Variants in CNTNAP2 observed in about 807,000 individuals in gnomAD.
CNTNAP2 encodes the protein contactin-associated protein-like 2.
A neutral mutation model predicts 155.2 loss-of-function variants in CNTNAP2; 98 were observed. That is an observed-to-expected ratio of 0.63 (90% CI 0.54 to 0.75). The LOEUF (loss-of-function observed/expected upper bound fraction) is 0.75. Among genes scored for constraint, CNTNAP2 ranks in the 30% least tolerant of loss-of-function variants. The pLI, the probability that CNTNAP2 is intolerant of heterozygous loss-of-function variation, is 0.00. For missense variants in CNTNAP2, 1,727 were observed against 1,688.1 expected, an observed-to-expected ratio of 1.02 and a Z score of -0.40; for synonymous variants, 651 against 631.2, an observed-to-expected ratio of 1.03 and a Z score of -0.47.
intron 14 of CNTNAP2, among the ~76,000 whole-genome samples, chr7:147,972,063 G>C (rs1056524989): frequency 6.6e-6 from 1 of 152,172 alleles, no homozygotes; most frequent in Non-Finnish European, 1.5e-5. Flanking sequence ...GTGTGAAGTA[G>C]CATCTCAATG....
chr7:146,206,739 A>G (rs1435812111), intron 1 of CNTNAP2, among the ~76,000 whole-genome samples: 5 of 151,922 alleles, frequency 3.3e-5, no homozygotes, highest in Admixed American at 3.3e-4. Flanking sequence ...TCACCAGTCC[A>G]TGTTCAGGTG....
intron 2 of CNTNAP2, among the ~76,000 whole-genome samples, chr7:146,778,198 A>G (rs1802423617): frequency 6.6e-6 from 1 of 152,212 alleles, no homozygotes; most frequent in Non-Finnish European, 1.5e-5. Flanking sequence ...AAGTTTTATT[A>G]TTTACTTAAA....
At chr7:148,155,332 G>A (rs1322346166) in intron 17 of CNTNAP2, among the ~76,000 whole-genome samples, 1 of 152,176 alleles carries the variant, frequency 6.6e-6, no homozygotes, top group Non-Finnish European at 1.5e-5. Context: ...GGGCTGTTGC[G>A]ACAGGGTAGA....
chr7:148,378,939 G>A (rs76683794), intron 21 of CNTNAP2, among the ~76,000 whole-genome samples: 2,942 of 66,670 alleles, frequency 0.044, 1,023 homozygotes, highest in African/African-American at 0.1. Context: ...CCACCAGTGC[G>A]ACATACTTCA....
chr7:146,634,119 C>G (rs556757692), intron 1 of CNTNAP2, among the ~76,000 whole-genome samples: 6 of 152,114 alleles, frequency 3.9e-5, no homozygotes, highest in Non-Finnish European at 7.3e-5. Context: ...CAGTTATTTT[C>G]TGGTACACAC....
intron 3 of CNTNAP2, among the ~76,000 whole-genome samples, chr7:147,037,067 T>A (rs1563052986): frequency 6.6e-6 from 1 of 152,140 alleles, no homozygotes; most frequent in East Asian, 1.9e-4. Flanking sequence ...CAGAGGACTT[T>A]GGGTGCTGAT....
intron 13 of CNTNAP2, among the ~76,000 whole-genome samples, chr7:147,648,532 G>C (rs1363209292): frequency 6.6e-6 from 1 of 152,180 alleles, no homozygotes; most frequent in Non-Finnish European, 1.5e-5. Flanking sequence ...AGTTTTAATG[G>C]ACTCACAGTT....
intron 9 of CNTNAP2, among the ~76,000 whole-genome samples, chr7:147,330,281 T>C (rs968970483): frequency 2.6e-5 from 4 of 152,160 alleles, no homozygotes; most frequent in South Asian, 4.1e-4. Flanking sequence ...AGAGAAGGTA[T>C]AGAAACTGTG....
At chr7:147,246,104 T>A (rs117628772) in intron 8 of CNTNAP2, among the ~76,000 whole-genome samples, 4,772 of 150,272 alleles carry the variant, frequency 0.032, 133 homozygotes, top group South Asian at 0.078. Context: ...CATATATATA[T>A]ATACACACAT....
intron 16 of CNTNAP2, among the ~76,000 whole-genome samples, chr7:148,142,318 C>T (rs1329828528): frequency 2.0e-5 from 3 of 152,020 alleles, no homozygotes; most frequent in African/African-American, 7.2e-5. Context: ...TTCAGCCTTC[C>T]TGCCTCTTCT....
At chr7:147,520,438 A>G (rs181694998) in intron 11 of CNTNAP2, among the ~76,000 whole-genome samples, 172 of 152,298 alleles carry the variant, frequency 1.1e-3, no homozygotes, top group African/African-American at 4.0e-3. Context: ...TTATGCTTTC[A>G]AGGAAGCTCT....
chr7:147,741,157 G>C (rs1327843203), intron 13 of CNTNAP2, among the ~76,000 whole-genome samples: 1 of 152,166 alleles, frequency 6.6e-6, no homozygotes, highest in Non-Finnish European at 1.5e-5. Flanking sequence ...AGAAGAGATG[G>C]GAAGAGATTT....
Position 147,550,430 on chromosome 7 carries a change from A to G in CNTNAP2, c.1778-11708A>G, listed in dbSNP as rs138665043. 3.5e-3 allele frequency among the ~76,000 whole-genome samples: 526 copies of G among 152,272 alleles called. 1 individual carries two copies. Among genetic ancestry groups the G allele is most frequent in the African/African-American group, 0.012 (503 of 41,538 alleles). On this transcript the variant is annotated intron_variant, in intron 11 of 23. Coordinates refer to ENST00000361727, the MANE Select transcript of CNTNAP2 (RefSeq NM_014141.6). ...CAATCTCTCTTGCCTGCCACCATGT[A>G]AGATATGCCTTTGCTCTTCCTTCAT...
At chr7:146,597,882 C>T (rs1798886925) in intron 1 of CNTNAP2, among the ~76,000 whole-genome samples, 1 of 152,090 alleles carries the variant, frequency 6.6e-6, no homozygotes, top group Admixed American at 6.6e-5. Context: ...CAGCAAAATC[C>T]TCTCTACTCC....
In CNTNAP2 at chr7:146,277,210, G is replaced by T. The variant is rs142891928; in HGVS notation, c.97+160237G>T. The stretch of plus-strand genomic sequence containing the variant: ...GGATCCTCCCCTGGAGACTTCAGAG[G>T]GAGTGTGGTCCTGCCGACACCTTGA... On this transcript the variant is annotated intron_variant, in intron 1 of 23. Transcript: ENST00000361727. 2.7e-3 allele frequency among the ~76,000 whole-genome samples: 408 copies of T among 152,256 alleles called. 2 individuals are homozygous for T. The highest frequency in any genetic ancestry group is 9.2e-3 in the African/African-American group (383 of 41,542).
At chr7:146,947,928 C>G (rs1387769758) in intron 3 of CNTNAP2, among the ~76,000 whole-genome samples, 1 of 151,868 alleles carries the variant, frequency 6.6e-6, no homozygotes, top group Non-Finnish European at 1.5e-5. Flanking sequence ...AACAAAATTT[C>G]AAGTTTTATA....
chr7:146,262,760 A>T (rs373798232), intron 1 of CNTNAP2, among the ~76,000 whole-genome samples: 2 of 152,224 alleles, frequency 1.3e-5, no homozygotes, highest in African/African-American at 4.8e-5. Context: ...GTGATAAAAA[A>T]TAATAGACAT....
intron 4 of CNTNAP2, among the ~76,000 whole-genome samples, chr7:147,072,677 ATGCCTCCCATGTGTCAGTC>A (rs1799916070): frequency 6.6e-6 from 1 of 152,054 alleles, no homozygotes; most frequent in Non-Finnish European, 1.5e-5. Flanking sequence ...AGTGCTGGAA[ATGCCTCCCATGTGTCAGTC>A]TGGTTTTACC....
chr7:147,944,021 A>G (rs1196016484), intron 14 of CNTNAP2, among the ~76,000 whole-genome samples: 1 of 152,122 alleles, frequency 6.6e-6, no homozygotes, highest in East Asian at 1.9e-4. Flanking sequence ...GTTCAAATGA[A>G]TGCTTTTCTG....
Sources: allele counts gnomAD v4.1 joint callset (sites outside exome capture counted in the v4.1 genomes callset), GRCh38; gene constraint gnomAD v4.1.1; transcripts MANE v1.5; gene names NCBI Gene and HGNC (gene_info 2026-07-23, HGNC 2026-07-21).